Variants in STAG1 observed in about 807,000 individuals in gnomAD.
STAG1 encodes the protein STAG1 cohesin complex component, also known as cohesin subunit SA-1.
STAG1 carries 26 observed loss-of-function variants against 170.9 expected under a neutral mutation model. The ratio of observed to expected loss-of-function variants is 0.15; its 90% confidence interval spans 0.11 to 0.21. The LOEUF (loss-of-function observed/expected upper bound fraction) is 0.21. Ranked by LOEUF, STAG1 falls within the 10% of genes least tolerant of loss-of-function variation. The pLI is 1.00. For missense variants in STAG1, 964 were observed against 1,509.5 expected (o/e 0.64, Z 5.99); for synonymous variants, 514 against 497.7 (o/e 1.03, Z -0.44).
intron 1 of STAG1, among the ~76,000 whole-genome samples, chr3:136,682,335 G>A (rs1942363131): frequency 6.6e-6 from 1 of 151,740 alleles, no homozygotes; most frequent in African/African-American, 2.4e-5. Context: ...TGAAACAGGA[G>A]GTTCACTTGA....
chr3:136,470,262 T>C lies in STAG1; in HGVS notation c.1205+2151A>G, dbSNP rs143318582. Reference sequence around the variant, plus strand: ...CTGACAAAAGGCTAATATCCAGAATTTACAAAGAACTCAAACAAATTTACA... The same window carrying C: ...CTGACAAAAGGCTAATATCCAGAATCTACAAAGAACTCAAACAAATTTACA... On this transcript the variant is annotated intron_variant, in intron 12 of 33. Coordinates refer to ENST00000383202, the MANE Select transcript of STAG1 (RefSeq NM_005862.3). Among the ~76,000 whole-genome samples, 576 of 151,996 alleles carry C rather than the reference T, an allele frequency of 3.8e-3. 1 individual carries two copies. Among genetic ancestry groups the C allele is most frequent in the Middle Eastern group, 0.031 (9 of 294 alleles).
intron 22 of STAG1, among the ~76,000 whole-genome samples, chr3:136,392,765 C>CAAAAA (rs71157377): frequency 7.0e-4 from 65 of 93,236 alleles, no homozygotes; most frequent in African/African-American, 1.0e-3. Flanking sequence ...GGCTCCGTCT[C>CAAAAA]AAAAAAAAAA....
chr3:136,424,328 C>CTTTT (rs60213699), intron 16 of STAG1, among the ~76,000 whole-genome samples: 7 of 117,186 alleles, frequency 6.0e-5, no homozygotes, highest in Admixed American at 1.8e-4. Flanking sequence ...ATGGAACGAT[C>CTTTT]TTTTTTTTTT....
chr3:136,400,777 G>A (rs1170067978), intron 21 of STAG1, among the ~76,000 whole-genome samples: 1 of 151,834 alleles, frequency 6.6e-6, no homozygotes, highest in African/African-American at 2.4e-5. Context: ...CTCATGATCC[G>A]CCCGCCTCAG....
intron 2 of STAG1, among the ~76,000 whole-genome samples, chr3:136,629,853 A>G (rs1940258710): frequency 6.6e-6 from 1 of 152,208 alleles, no homozygotes; most frequent in African/African-American, 2.4e-5. Flanking sequence ...AAGCTATGAA[A>G]GGAACAATAT....
chr3:136,706,146 A>G (rs1943222868), intron 1 of STAG1, among the ~76,000 whole-genome samples: 1 of 152,208 alleles, frequency 6.6e-6, no homozygotes, highest in Admixed American at 6.5e-5. Flanking sequence ...GCATTTATGA[A>G]AAGCCTACAG....
At chr3:136,656,617 T>TGTGTGTGTG (rs1941381695) in intron 1 of STAG1, among the ~76,000 whole-genome samples, 43 of 143,392 alleles carry the variant, frequency 3.0e-4, no homozygotes, top group African/African-American at 1.1e-3. Flanking sequence ...CTGTATTTAT[T>TGTGTGTGTG]TGTGTGTGTG....
At chr3:136,528,333 T>C (rs1252616326) in intron 6 of STAG1, among the ~76,000 whole-genome samples, 1 of 152,062 alleles carries the variant, frequency 6.6e-6, no homozygotes, top group Non-Finnish European at 1.5e-5. Flanking sequence ...GATCTACTGC[T>C]GTGCTAGCAG....
rs561492997 is a variant in STAG1, at chr3:136,476,436, T to C, written c.1026+853A>G. Reference sequence around the variant, plus strand: ...CTGAAGGGCAACCCATAGGGATTTATGGAACTTGCTCAATGAATATGGTAT... The same window carrying C: ...CTGAAGGGCAACCCATAGGGATTTACGGAACTTGCTCAATGAATATGGTAT... On this transcript the variant is annotated intron_variant, in intron 10 of 33. Coordinates refer to ENST00000383202, the MANE Select transcript of STAG1 (RefSeq NM_005862.3). Among the ~76,000 whole-genome samples, 44 of 152,290 alleles carry C rather than the reference T, an allele frequency of 2.9e-4. No homozygotes were observed. In the South Asian group the frequency reaches 8.7e-3, roughly 30 times the overall value.
At chr3:136,506,333 T>C (rs1933759146) in intron 7 of STAG1, among the ~76,000 whole-genome samples, 1 of 152,040 alleles carries the variant, frequency 6.6e-6, no homozygotes, top group East Asian at 1.9e-4. Flanking sequence ...ATATGAAGTG[T>C]ATTTTGAAAA....
intron 22 of STAG1, among the ~76,000 whole-genome samples, chr3:136,379,071 A>G (rs997261938): frequency 6.6e-6 from 1 of 152,230 alleles, no homozygotes; most frequent in African/African-American, 2.4e-5. Context: ...TGGAAGAAGG[A>G]GCGAGTTCAT....
rs926941672 is a variant in STAG1, at chr3:136,341,518, C to T, written c.3480G>A (p.Pro1160=). 5.6e-6 allele frequency: 9 copies of T among 1,613,636 alleles called. No homozygotes were observed. Among genetic ancestry groups the T allele is most frequent in the East Asian group, 2.2e-5 (1 of 44,890 alleles). ...PQMQISWLGQ[P]KLEDLNRKDR... Reference sequence around the variant, plus strand: ...CCTTCCGATTTAAGTCTTCTAACTTCGGCTGGCCTAACCAAGAGATCTGCA... The same window carrying T: ...CCTTCCGATTTAAGTCTTCTAACTTTGGCTGGCCTAACCAAGAGATCTGCA... The change falls in exon 31 of 34, where the codon CCG becomes CCA. Residue 1160 remains proline, a synonymous_variant. Coordinates refer to ENST00000383202, the MANE Select transcript of STAG1 (RefSeq NM_005862.3).
chr3:136,388,693 G>A (rs936278432), intron 22 of STAG1, among the ~76,000 whole-genome samples: 2 of 151,964 alleles, frequency 1.3e-5, no homozygotes, highest in Non-Finnish European at 1.5e-5. Flanking sequence ...GATAAATTGT[G>A]TAAGCAACAA....
intron 1 of STAG1, among the ~76,000 whole-genome samples, chr3:136,662,882 T>C (rs1941624550): frequency 6.6e-6 from 1 of 152,114 alleles, no homozygotes; most frequent in Non-Finnish European, 1.5e-5. Context: ...TGAAATCGCA[T>C]CTCTACTAAA....
intron 9 of STAG1, among the ~76,000 whole-genome samples, chr3:136,489,725 GC>G (rs2090085775): frequency 6.6e-6 from 1 of 152,134 alleles, no homozygotes; most frequent in African/African-American, 2.4e-5. Flanking sequence ...GAAAGAAATA[GC>G]TGAAAGAATT....
intron 14 of STAG1, among the ~76,000 whole-genome samples, chr3:136,448,449 G>A (rs2088846567): frequency 6.6e-6 from 1 of 152,186 alleles, no homozygotes; most frequent in African/African-American, 2.4e-5. Flanking sequence ...AAGAGAGCTT[G>A]TGCAGGGGAA....
chr3:136,498,705 A>C (rs919268736), intron 9 of STAG1, among the ~76,000 whole-genome samples: 6 of 152,076 alleles, frequency 3.9e-5, no homozygotes, highest in African/African-American at 4.8e-5. Flanking sequence ...AAAAAAAAAA[A>C]AACAAAGACT....
intron 5 of STAG1, among the ~76,000 whole-genome samples, 193 bp from the exon 6 acceptor site, chr3:136,542,388 G>T (rs571590535): frequency 6.6e-6 from 1 of 152,090 alleles, no homozygotes; most frequent in Non-Finnish European, 1.5e-5. Context: ...GGAAAAGGAA[G>T]AATTTTGAAA....
chr3:136,650,952 T>C (rs1490549619), intron 1 of STAG1, among the ~76,000 whole-genome samples: 1 of 149,906 alleles, frequency 6.7e-6, no homozygotes, highest in Non-Finnish European at 1.5e-5. Flanking sequence ...GATGCAGCAC[T>C]GGGGAGAAAA....
Sources: allele counts gnomAD v4.1 joint callset (sites outside exome capture counted in the v4.1 genomes callset), GRCh38; gene constraint gnomAD v4.1.1; transcripts MANE v1.5; gene names NCBI Gene and HGNC (gene_info 2026-07-23, HGNC 2026-07-21).